The following ADGRB1 variants were observed in gnomAD, a reference collection of about 807,000 sequenced individuals.
ADGRB1 encodes the protein adhesion G protein-coupled receptor B1.
Under a neutral mutation model 175.7 loss-of-function variants are expected in ADGRB1, and 36 were observed. That is an observed-to-expected ratio of 0.20 (90% CI 0.16 to 0.27). The LOEUF (loss-of-function observed/expected upper bound fraction) is 0.27. Among genes scored for constraint, ADGRB1 ranks in the 10% least tolerant of loss-of-function variants. The probability of loss-of-function intolerance (pLI) is 1.00; values close to 1 mark genes in which losing one functional copy is unlikely to be tolerated. For synonymous variants in ADGRB1, 1,054 were observed against 979.4 expected (o/e 1.08, Z -1.42); for missense variants, 1,731 against 2,255.3 (o/e 0.77, Z 4.71).
chr8:142,511,354 G>A lies in ADGRB1; in HGVS notation c.2817+281G>A, dbSNP rs1384492325. 6.6e-6 allele frequency among the ~76,000 whole-genome samples: 1 copy of A among 152,116 alleles called. No individual in the cohort carries two copies. The highest frequency in any genetic ancestry group is 2.4e-5 in the African/African-American group (1 of 41,444). Reference sequence around the variant, plus strand: ...GTGGGTCCCATCTCCCCTGGCCTTGGAGGCCCGGGATCTCCGAGGGAGCCT... The same window carrying A: ...GTGGGTCCCATCTCCCCTGGCCTTGAAGGCCCGGGATCTCCGAGGGAGCCT... On this transcript the variant is annotated intron_variant, in intron 18 of 30. Transcript: ENST00000517894. The surrounding 1 kb of genome is among the most constrained non-coding windows in gnomAD (Gnocchi z 4.5).
chr8:142,521,069 G>T, intron 20 of ADGRB1, 144 bp downstream of exon 20: 1 of 758,874 alleles, frequency 1.3e-6, no homozygotes, highest in South Asian at 1.8e-5. Flanking sequence ...CAGCTACAGG[G>T]AGTTCCCTGC....
rs1346834395 is a variant in ADGRB1 at position 142,542,763 on chromosome 8, C to T, written c.4413+116C>T. On this transcript the variant is annotated intron_variant, in intron 28 of 30. Transcript: ENST00000517894. This position sits in a 1 kb window ranked among gnomAD's most constrained non-coding sequence, Gnocchi z 6.3. Reference sequence around the variant, plus strand: ...TCAGCGGGGCGGGCTGGCTCTGCCTCCTAGCTACACCCCCCACCCCTGGCC... The same window carrying T: ...TCAGCGGGGCGGGCTGGCTCTGCCTTCTAGCTACACCCCCCACCCCTGGCC... 5 of 916,210 alleles carry T rather than the reference C, an allele frequency of 5.5e-6. No homozygotes were observed. Among genetic ancestry groups the T allele is most frequent in the Middle Eastern group, 2.5e-4 (1 of 3,924 alleles). The allele number at this position is 916,210 out of a possible 1,614,324, so 56.8% of individuals were successfully genotyped here. A position where few individuals can be genotyped will look rare whatever the true frequency, so the allele number is the denominator to read the frequency against.
intron 19 of ADGRB1, among the ~76,000 whole-genome samples, chr8:142,520,366 GT>G (rs1843724600): frequency 7.2e-6 from 1 of 138,980 alleles, no homozygotes; most frequent in African/African-American, 2.7e-5. Flanking sequence ...GATGATGGTG[GT>G]GATGGTGGTG....
At chr8:142,454,565 G>A (rs1839548687) in intron 1 of ADGRB1, among the ~76,000 whole-genome samples, 1 of 152,212 alleles carries the variant, frequency 6.6e-6, no homozygotes, top group Admixed American at 6.5e-5. Context: ...TTCATGTCCA[G>A]GGATGGGGCA....
intron 17 of ADGRB1, among the ~76,000 whole-genome samples, chr8:142,503,739 C>T (rs1842735355): frequency 6.6e-6 from 1 of 152,192 alleles, no homozygotes; most frequent in Admixed American, 6.5e-5. Context: ...GGCAGACAGC[C>T]TGGGGCCTCT....
chr8:142,487,060 C>G (rs1284795585), intron 13 of ADGRB1, among the ~76,000 whole-genome samples: 1 of 152,174 alleles, frequency 6.6e-6, no homozygotes, highest in Non-Finnish European at 1.5e-5. Flanking sequence ...TAGTGAAATG[C>G]CTCAGCTAGA....
At chr8:142,498,532 C>T (rs1842334084) in intron 17 of ADGRB1, among the ~76,000 whole-genome samples, 1 of 152,144 alleles carries the variant, frequency 6.6e-6, no homozygotes, top group East Asian at 1.9e-4. Context: ...CCCTCAAGCA[C>T]AGAATTCGTA....
intron 20 of ADGRB1, 79 bp from the exon 21 acceptor site, chr8:142,521,886 T>A: frequency 6.7e-7 from 1 of 1,494,526 alleles, no homozygotes; most frequent in Non-Finnish European, 9.0e-7. Flanking sequence ...GGCTGCCAGC[T>A]GCAGACAGGC....
chr8:142,463,068 A>G (rs1421363504), intron 1 of ADGRB1, among the ~76,000 whole-genome samples: 1 of 152,176 alleles, frequency 6.6e-6, no homozygotes, highest in African/African-American at 2.4e-5. Context: ...ACTCACTGTG[A>G]CGGGTAAATT....
At chr8:142,502,437 A>G (rs62513277) in intron 17 of ADGRB1, among the ~76,000 whole-genome samples, 27 of 518 alleles carry the variant, frequency 0.052, no homozygotes, top group South Asian at 0.17. Context: ...TGGTGGTGGT[A>G]GTGGTGGTGA....
chr8:142,482,645 T>C lies in ADGRB1; in HGVS notation c.2130+934T>C, dbSNP rs528492987. Among the ~76,000 whole-genome samples the C allele has an allele frequency of 1.9e-3, 285 of 150,632 alleles. 2 individuals carry two copies. In the Middle Eastern group the frequency reaches 0.031, roughly 17 times the overall value. On this transcript the variant is annotated intron_variant, in intron 11 of 30. Transcript: ENST00000517894. ...CTCGTCACATGCTGAGTCCTGATCC[T>C]GGTCACACGCTGAGCCTCGATCCTG...
intron 17 of ADGRB1, among the ~76,000 whole-genome samples, chr8:142,508,497 G>A (rs747276267): frequency 9.2e-5 from 14 of 152,214 alleles, no homozygotes; most frequent in Non-Finnish European, 1.9e-4. Context: ...CCCAAAGCCT[G>A]CCTGGGTCCA....
intron 2 of ADGRB1, among the ~76,000 whole-genome samples, chr8:142,471,695 G>T (rs1840672394): frequency 1.3e-5 from 2 of 152,252 alleles, no homozygotes; most frequent in Non-Finnish European, 2.9e-5. Context: ...GCTCACCTGG[G>T]AAGTGGCCTG....
Position 142,526,535 on chromosome 8 carries a change from C to A in ADGRB1, c.3313-7C>A. ...CCCCCACACCCCCACCACTCTCTGC[C>A]CGGCAGGTGAACATGGTCATTGGGA... On this transcript the variant is annotated splice_region_variant and splice_polypyrimidine_tract_variant and intron_variant, in intron 23 of 30. Transcript: ENST00000517894. The A allele has an allele frequency of 6.3e-7, 1 of 1,590,614 alleles. No individual in the cohort carries two copies. Among genetic ancestry groups the A allele is most frequent in the South Asian group, 1.1e-5 (1 of 87,004 alleles).
In ADGRB1 at chr8:142,464,032, T is replaced by C. The variant is rs1266997034; in HGVS notation, c.-167T>C. 3 of 544,784 alleles carry C rather than the reference T, an allele frequency of 5.5e-6. No individual in the cohort carries two copies. Among genetic ancestry groups the C allele is most frequent in the Non-Finnish European group, 8.1e-6 (3 of 368,830 alleles). 33.7% of individuals were successfully genotyped at this position (544,784 alleles called of 1,614,324 possible). A position where few individuals can be genotyped will look rare whatever the true frequency, so the allele number is the denominator to read the frequency against. On this transcript the variant is annotated 5_prime_UTR_variant, in exon 2 of 31. Transcript: ENST00000517894. ...CAGGGCCCTGGACTTTAGAAGCCGT[T>C]GCTGCCCTCTCTGTCACCTGAAGCG...
chr8:142,485,300 A>G (rs1841611367), intron 13 of ADGRB1, among the ~76,000 whole-genome samples: 1 of 152,200 alleles, frequency 6.6e-6, no homozygotes, highest in Non-Finnish European at 1.5e-5. Flanking sequence ...TTACAAACAC[A>G]GCAATTCTAT....
At position 142,535,466 on chromosome 8, in the gene ADGRB1, G is replaced by T. The variant is rs73374159; in HGVS notation, c.3571-1521G>T. Among the ~76,000 whole-genome samples the T allele has an allele frequency of 6.7e-3, 1,026 of 152,324 alleles. 11 individuals are homozygous for T. Among genetic ancestry groups the T allele is most frequent in the African/African-American group, 0.022 (923 of 41,576 alleles). ...CGTGCTGCAGGGCCTTCAAGGTCCT[G>T]CCCAGAGATGGCTTCCACCTGGGCC... is the stretch of plus-strand genomic sequence containing the variant. On this transcript the variant is annotated intron_variant, in intron 25 of 30. Transcript: ENST00000517894.
At chr8:142,459,482 C>T (rs557536228) in intron 1 of ADGRB1, among the ~76,000 whole-genome samples, 8 of 152,264 alleles carry the variant, frequency 5.3e-5, no homozygotes, top group East Asian at 1.9e-4. Flanking sequence ...TCTCCAAGGC[C>T]GTGACTGTGT....
Position 142,537,103 on chromosome 8 carries a change from A to T in ADGRB1, c.3666+21A>T. 1 of 1,458,084 alleles carries T rather than the reference A, an allele frequency of 6.9e-7. No homozygotes were observed. Among genetic ancestry groups the T allele is most frequent in the South Asian group, 1.4e-5 (1 of 69,270 alleles). The allele number at this position is 1,458,084 out of a possible 1,614,324, so 90.3% of individuals were successfully genotyped here. ...TCATGGTAGGACTCAGGGCCCGGGG[A>T]CTCAGGCTGCCCTACCTGCCTCGTA... On this transcript the variant is annotated intron_variant, in intron 26 of 30. Transcript: ENST00000517894. The surrounding 1 kb of genome is among the most constrained non-coding windows in gnomAD (Gnocchi z 4.6).
Sources: allele counts gnomAD v4.1 joint callset (sites outside exome capture counted in the v4.1 genomes callset), GRCh38; gene constraint gnomAD v4.1.1; non-coding constraint Gnocchi (gnomAD v3.1); transcripts MANE v1.5; gene names NCBI Gene and HGNC (gene_info 2026-07-23, HGNC 2026-07-21).